SNTG2: variants seen among roughly 807,000 people sequenced by gnomAD.
SNTG2 encodes the protein syntrophin gamma 2.
SNTG2 carries 74 observed loss-of-function variants against 70.9 expected under a neutral mutation model. The observed-to-expected ratio is 1.04, with a 90% confidence interval of 0.86 to 1.27. SNTG2 has a LOEUF of 1.27. Ranked by LOEUF, SNTG2 falls within the 50% of genes most tolerant of loss-of-function variation. The pLI, the probability that SNTG2 is intolerant of heterozygous loss-of-function variation, is 0.00. For missense variants in SNTG2, 717 were observed against 690.7 expected (o/e 1.04, Z -0.43); for synonymous variants, 278 against 273.8 (o/e 1.02, Z -0.15).
intron 9 of SNTG2, among the ~76,000 whole-genome samples, chr2:1,223,760 C>T (rs900643173): frequency 3.3e-5 from 5 of 152,082 alleles, no homozygotes; most frequent in African/African-American, 9.7e-5. Flanking sequence ...GTGTACATGA[C>T]CTCAGCACAC....
rs188408244 is a variant in SNTG2, at chr2:1,230,571, A to C, written c.720-7317A>C. Among the ~76,000 whole-genome samples the C allele has an allele frequency of 2.0e-3, 299 of 152,296 alleles. 2 individuals carry two copies. The highest frequency in any genetic ancestry group is 4.7e-3 in the Admixed American group (72 of 15,300). ...CGTTTGATCTCAGATAACCAAGAAG[A>C]AGCACTGAGCCCCTGGATGCTGGTT... On this transcript the variant is annotated intron_variant, in intron 9 of 16. Transcript: ENST00000308624.
At chr2:959,065 T>C (rs1660264510) in intron 1 of SNTG2, among the ~76,000 whole-genome samples, 1 of 152,230 alleles carries the variant, frequency 6.6e-6, no homozygotes. Flanking sequence ...AATTGTAATA[T>C]ATTTTGTAAT....
chr2:1,102,908 C>T (rs963027968), intron 4 of SNTG2, among the ~76,000 whole-genome samples: 4 of 152,164 alleles, frequency 2.6e-5, no homozygotes, highest in Non-Finnish European at 4.4e-5. Flanking sequence ...TTGAATTCTT[C>T]GCGAAGTGGC....
intron 14 of SNTG2, among the ~76,000 whole-genome samples, chr2:1,306,779 G>A (rs1265564796): frequency 6.6e-6 from 1 of 150,700 alleles, no homozygotes; most frequent in East Asian, 2.0e-4. Context: ...TGTGTCACCT[G>A]TGTACTCTGT....
At chr2:1,339,380 T>C (rs1659973180) in intron 16 of SNTG2, among the ~76,000 whole-genome samples, 1 of 152,220 alleles carries the variant, frequency 6.6e-6, no homozygotes, top group African/African-American at 2.4e-5. Flanking sequence ...TCAAGTCCAC[T>C]TTATCTTTTT....
chr2:1,159,817 C>T (rs1443639065), intron 6 of SNTG2, among the ~76,000 whole-genome samples: 2 of 152,052 alleles, frequency 1.3e-5, no homozygotes, highest in African/African-American at 4.8e-5. Flanking sequence ...CTTGTAATAA[C>T]GCAAGATGCA....
chr2:1,244,719 G>C, intron 11 of SNTG2, among the ~76,000 whole-genome samples: 1 of 146,300 alleles, frequency 6.8e-6, no homozygotes, highest in African/African-American at 2.5e-5. Context: ...AAAAAAAACA[G>C]TTTGCAATAA....
chr2:1,255,271 C>T (rs930349755), intron 12 of SNTG2, among the ~76,000 whole-genome samples: 6 of 152,206 alleles, frequency 3.9e-5, no homozygotes, highest in African/African-American at 1.4e-4. Flanking sequence ...CCATCCCACC[C>T]TCGGCCTTCC....
At chr2:1,299,760 AC>A (rs1680368864) in intron 14 of SNTG2, among the ~76,000 whole-genome samples, 1 of 152,188 alleles carries the variant, frequency 6.6e-6, no homozygotes, top group Non-Finnish European at 1.5e-5. Flanking sequence ...GGACAGAGAG[AC>A]CAGCCCGTCC....
intron 6 of SNTG2, among the ~76,000 whole-genome samples, chr2:1,139,379 C>T (rs887309182): frequency 6.6e-6 from 1 of 152,110 alleles, no homozygotes; most frequent in African/African-American, 2.4e-5. Context: ...TTATAGACGC[C>T]CACCACCATG....
At chr2:1,114,597 G>A (rs571576768) in intron 4 of SNTG2, among the ~76,000 whole-genome samples, 26 of 147,350 alleles carry the variant, frequency 1.8e-4, no homozygotes, top group Admixed American at 6.6e-4. Context: ...GAGGAGGATC[G>A]TGTGTAGTAA....
chr2:1,132,590 G>T (rs1438581327), intron 4 of SNTG2, among the ~76,000 whole-genome samples: 2 of 152,226 alleles, frequency 1.3e-5, no homozygotes, highest in African/African-American at 4.8e-5. Flanking sequence ...TCTGTTTCTA[G>T]GTTGTCTGTT....
At chr2:1,215,497 A>G (rs1000234936) in intron 9 of SNTG2, among the ~76,000 whole-genome samples, 1 of 151,948 alleles carries the variant, frequency 6.6e-6, no homozygotes, top group Non-Finnish European at 1.5e-5. Flanking sequence ...GTATGTTTCT[A>G]GGAATTTTTT....
At chr2:1,255,274 G>A (rs888743118) in intron 12 of SNTG2, among the ~76,000 whole-genome samples, 3 of 152,080 alleles carry the variant, frequency 2.0e-5, no homozygotes, top group African/African-American at 4.8e-5. Context: ...TCCCACCCTC[G>A]GCCTTCCTTT....
chr2:1,105,837 C>T (rs529181642), intron 4 of SNTG2, among the ~76,000 whole-genome samples: 32 of 152,312 alleles, frequency 2.1e-4, no homozygotes, highest in African/African-American at 7.2e-4. Flanking sequence ...CGATGCATGG[C>T]ACAGGATGGC....
At position 1,224,902 on chromosome 2, in the gene SNTG2, C is replaced by T. The variant is rs192991034; in HGVS notation, c.720-12986C>T. ...TTACGTTCCTGGAGTTCACGGAACC[C>T]CTCCAGCAGGTGCAGTTGTGTTTAA... is the stretch of plus-strand genomic sequence containing the variant. On this transcript the variant is annotated intron_variant, in intron 9 of 16. Coordinates refer to ENST00000308624, the MANE Select transcript of SNTG2 (RefSeq NM_018968.4). 4.1e-3 allele frequency among the ~76,000 whole-genome samples: 622 copies of T among 152,270 alleles called. 5 individuals carry two copies. Among genetic ancestry groups the T allele is most frequent in the Middle Eastern group, 6.8e-3 (2 of 294 alleles).
chr2:1,320,842 A>G (rs892271438), intron 16 of SNTG2, among the ~76,000 whole-genome samples: 8 of 152,182 alleles, frequency 5.3e-5, no homozygotes, highest in African/African-American at 1.7e-4. Flanking sequence ...CCCTTCCCCA[A>G]TTCCCACGAA....
intron 9 of SNTG2, among the ~76,000 whole-genome samples, chr2:1,231,214 G>GTGA (rs1676219651): frequency 1.3e-5 from 2 of 151,434 alleles, no homozygotes; most frequent in Non-Finnish European, 1.5e-5. Context: ...GATCTGAAAG[G>GTGA]TGACCTACTT....
At position 1,197,406 on chromosome 2, in the gene SNTG2, A is replaced by G. The variant is rs569437291; in HGVS notation, c.592-11697A>G. Among the ~76,000 whole-genome samples the G allele has an allele frequency of 8.6e-5, 13 of 150,890 alleles. No individual in the cohort carries two copies. In the South Asian group the frequency reaches 1.3e-3, roughly 15 times the overall value. Reference sequence around the variant, plus strand: ...TCTTTATAAAATGATAAAAGGATCAATTCATCAAAAGTCTATAAAAATTCT... The same window carrying G: ...TCTTTATAAAATGATAAAAGGATCAGTTCATCAAAAGTCTATAAAAATTCT... On this transcript the variant is annotated intron_variant, in intron 8 of 16. Transcript: ENST00000308624.
Sources: gnomAD v4.1 joint callset for allele counts (sites outside exome capture counted in the v4.1 genomes callset) on GRCh38, gnomAD v4.1.1 for gene constraint, MANE v1.5 for transcripts, NCBI Gene and HGNC (gene_info 2026-07-23, HGNC 2026-07-21) for gene names.